Variants in FGA observed in about 807,000 individuals in gnomAD.
FGA encodes the protein fibrinogen, A alpha polypeptide.
In FGA, 20 loss-of-function variants were observed where a neutral mutation model predicts 20.3. That is an observed-to-expected ratio of 0.99 (90% CI 0.69 to 1.43). The LOEUF is 1.43. Among genes scored for constraint, FGA ranks in the 40% most tolerant of loss-of-function variants. The pLI, the probability that FGA is intolerant of heterozygous loss-of-function variation, is 0.00. For missense variants in FGA, 777 were observed against 784.7 expected (o/e 0.99, Z 0.12); for synonymous variants, 306 against 281.6 (o/e 1.09, Z -0.87).
chr4:154,585,966 C>A lies in FGA; in HGVS notation c.1463G>T (p.Gly488Val), dbSNP rs1382669489. 2.5e-6 allele frequency: 4 copies of A among 1,614,188 alleles called. No homozygotes were observed. Among genetic ancestry groups the A allele is most frequent in the Non-Finnish European group, 2.5e-6 (3 of 1,180,030 alleles). ...VTKEVVTSED[G>V]SDCPEAMDLG... ...ATCCATTGCCTCGGGACAGTCAGAA[C>A]CATCTTCGGAGGTCACCACTTCTTT... The change falls in exon 5 of 5, where the codon GGT becomes GTT. Residue 488 changes from glycine (G) to valine (V), a missense_variant. Coordinates refer to ENST00000403106, the MANE Select transcript of FGA (RefSeq NM_021871.4).
At chr4:154,587,964 G>A (rs1730779956) in intron 3 of FGA, among the ~76,000 whole-genome samples, 1 of 152,140 alleles carries the variant, frequency 6.6e-6, no homozygotes, top group Non-Finnish European at 1.5e-5. Context: ...ATAGCAATTA[G>A]TAATCCCAAA....
downstream of FGA, chr4:154,584,377 A>G (rs971302509): frequency 1.9e-6 from 3 of 1,613,944 alleles, no homozygotes; most frequent in Non-Finnish European, 1.7e-6. Context: ...GCTGAACTGC[A>G]TGTTGTTGTG....
chr4:154,587,386 A>C, intron 4 of FGA, 126 bp downstream of exon 4: 1 of 915,770 alleles, frequency 1.1e-6, no homozygotes, highest in Non-Finnish European at 1.8e-6. Flanking sequence ...AATAATACCT[A>C]CTTTTAGGTA....
intron 1 of FGA, among the ~76,000 whole-genome samples, chr4:154,590,074 T>C (rs1367144653): frequency 6.6e-6 from 1 of 152,222 alleles, no homozygotes; most frequent in Non-Finnish European, 1.5e-5. Flanking sequence ...AGAATACCAT[T>C]ACTGCGGAAA....
rs755193875 is a variant in FGA at position 154,586,171 on chromosome 4, C to T, written c.1258G>A (p.Val420Ile). 6.2e-7 allele frequency: 1 copy of T among 1,614,076 alleles called. No individual in the cohort carries two copies. Among genetic ancestry groups the T allele is most frequent in the Admixed American group, 1.7e-5 (1 of 60,004 alleles). Residue 420 changes from valine (V) to isoleucine (I), a missense_variant, in exon 5 of 5, where the codon GTA (valine) becomes ATA (isoleucine). Physicochemically the swap from Val to Ile is conservative, Grantham distance 29. Coordinates refer to ENST00000403106, the MANE Select transcript of FGA (RefSeq NM_021871.4). ...WGTFEEVSGN[V>I]SPGTRREYHT... ...TACTCTCTCCTTGTCCCTGGACTTA[C>T]ATTTCCTGACACCTCTTCAAATGTG...
chr4:154,588,659 A>G, intron 3 of FGA, 134 bp downstream of exon 3: 1 of 693,882 alleles, frequency 1.4e-6, no homozygotes, highest in Non-Finnish European at 2.5e-6. Flanking sequence ...ATTTTCAGGG[A>G]TATTATGAAG....
At chr4:154,587,930 A>G (rs934741892) in intron 3 of FGA, among the ~76,000 whole-genome samples, 5 of 152,222 alleles carry the variant, frequency 3.3e-5, no homozygotes, top group Admixed American at 3.3e-4. Context: ...GCAGCCTTCC[A>G]TGAATGCCAG....
chr4:154,588,499 C>T (rs1209087477), intron 3 of FGA, among the ~76,000 whole-genome samples: 1 of 152,168 alleles, frequency 6.6e-6, no homozygotes, highest in East Asian at 1.9e-4. Flanking sequence ...AAGAGTCTGA[C>T]CCATCCTACT....
chr4:154,585,602 A>G lies in FGA; in HGVS notation c.1827T>C (p.Ser609=). The G allele has an allele frequency of 6.2e-7, 1 of 1,614,208 alleles. No individual in the cohort carries two copies. Residue 609 remains serine, a synonymous_variant, in exon 5 of 5, where the codon AGT becomes AGC. Coordinates refer to ENST00000403106, the MANE Select transcript of FGA (RefSeq NM_021871.4). ...TATGTGTTCCTTCATGATCGGCTTC[A>G]CTTCCGGCCTCATCTGCCATTTTAT... ...KSYKMADEAG[S]EADHEGTHST...
In FGA at chr4:154,589,423, C is replaced by G; in HGVS notation, c.180+14G>C. 1 of 1,613,758 alleles carries G rather than the reference C, an allele frequency of 6.2e-7. No individual in the cohort carries two copies. Among genetic ancestry groups the G allele is most frequent in the Non-Finnish European group, 8.5e-7 (1 of 1,179,968 alleles). On this transcript the variant is annotated intron_variant, in intron 2 of 4. Coordinates refer to ENST00000403106, the MANE Select transcript of FGA (RefSeq NM_021871.4). ...GAGGGAAGGAATCTCCTGCTTCCCC[C>G]GCTGACTGCTTACCCAGTCTTCATC...
At chr4:154,587,796 A>AAAGAAAG (rs1491103856) in intron 3 of FGA, 139 bp from the exon 4 acceptor site, 2 of 743,076 alleles carry the variant, frequency 2.7e-6, no homozygotes, top group South Asian at 1.6e-5. Flanking sequence ...AGAAAGAAAG[A>AAAGAAAG]AAGAAAGAGA....
At chr4:154,584,243 C>A (rs1236847957), downstream of FGA, 6 of 1,614,094 alleles carry the variant, frequency 3.7e-6, 1 homozygote, top group Admixed American at 1.0e-4. Context: ...TTCCTTGGGT[C>A]ATAGGAGCCC....
At chr4:154,586,973 C>T (rs1309409879) in intron 4 of FGA, 55 bp from the exon 5 acceptor site, 18 of 1,550,024 alleles carry the variant, frequency 1.2e-5, no homozygotes, top group Admixed American at 3.4e-5. Context: ...ACATAAACTA[C>T]GTCTATTGAG....
downstream of FGA, chr4:154,583,998 A>C: frequency 1.3e-6 from 1 of 755,292 alleles, no homozygotes; most frequent in Non-Finnish European, 2.3e-6. Context: ...CTACAGTACA[A>C]AGGATAAGAA....
Position 154,586,839 on chromosome 4 carries a change from T to C in FGA, c.590A>G (p.Tyr197Cys). 1 of 1,614,196 alleles carries C rather than the reference T, an allele frequency of 6.2e-7. No homozygotes were observed. Among genetic ancestry groups the C allele is most frequent in the Non-Finnish European group, 8.5e-7 (1 of 1,180,014 alleles). ...TTCAAGTTGCTTCTGCTGATCTTCA[T>C]AGTCCTTCAGATCTACTTCACGAGC... is the stretch of plus-strand genomic sequence containing the variant. ...ALAREVDLKD[Y>C]EDQQKQLEQV... is the part of the protein sequence containing the mutation. Residue 197 changes from tyrosine (Y) to cysteine (C), a missense_variant, in exon 5 of 5, where the codon TAT (tyrosine) becomes TGT (cysteine). Tyr to Cys is a radical substitution (Grantham distance 194, BLOSUM62 -2). Transcript: ENST00000403106.
chr4:154,589,485 TTGA>T lies in FGA; in HGVS notation c.129_131del (p.His43del). 6.2e-7 allele frequency: 1 copy of T among 1,614,106 alleles called. No homozygotes were observed. Among genetic ancestry groups the T allele is most frequent in the Non-Finnish European group, 8.5e-7 (1 of 1,179,998 alleles). On this transcript the variant is annotated inframe_deletion, in exon 2 of 5. Transcript: ENST00000403106. Reference sequence around the variant, plus strand: ...GCCAGTCTGAATCTTTGCAGGCAGATTGATGTCTTTCCACAACCCTTGGGCCAC... The same window carrying T: ...GCCAGTCTGAATCTTTGCAGGCAGATTGTCTTTCCACAACCCTTGGGCCAC...
chr4:154,588,204 T>G (rs1317918699), intron 3 of FGA, among the ~76,000 whole-genome samples: 1 of 152,206 alleles, frequency 6.6e-6, no homozygotes, highest in Non-Finnish European at 1.5e-5. Context: ...GCATCACTGA[T>G]TTTAAATGTC....
chr4:154,584,393 T>C (rs980896093), downstream of FGA: 1 of 1,613,972 alleles, frequency 6.2e-7, no homozygotes, highest in African/African-American at 1.3e-5. Context: ...TTGTGAGAGG[T>C]GTACTCTGCC....
chr4:154,585,516 C>G lies in FGA; in HGVS notation c.1913G>C (p.Gly638Ala). The change falls in exon 5 of 5, where the codon GGG becomes GCG. Residue 638 changes from glycine (G) to alanine (A), a missense_variant. Physicochemically the swap from Gly to Ala is moderately conservative, Grantham distance 60. Coordinates refer to ENST00000403106, the MANE Select transcript of FGA (RefSeq NM_021871.4). ...AGTCTAGGGGGACAGGGAAGGCTTCCCCAAAGGAGAAGTGTGGATACCTCT... is the reference window on the plus strand; with the variant it reads ...AGTCTAGGGGGACAGGGAAGGCTTCGCCAAAGGAGAAGTGTGGATACCTCT... ...PVRGIHTSPLGKPSLSP is the reference protein window; with the variant it reads ...PVRGIHTSPLAKPSLSP 1 of 1,605,128 alleles carries G rather than the reference C, an allele frequency of 6.2e-7. No homozygotes were observed. The highest frequency in any genetic ancestry group is 2.2e-5 in the East Asian group (1 of 44,844).
Sources: allele counts gnomAD v4.1 joint callset (sites outside exome capture counted in the v4.1 genomes callset), GRCh38; gene constraint gnomAD v4.1.1; transcripts MANE v1.5; gene names NCBI Gene and HGNC (gene_info 2026-07-23, HGNC 2026-07-21).